TCF12: variants seen among roughly 807,000 people sequenced by gnomAD.
TCF12 encodes DNA-binding protein HTF4.
Under a neutral mutation model 86.0 loss-of-function variants are expected in TCF12, and 45 were observed. The observed-to-expected ratio is 0.52, with a 90% confidence interval of 0.41 to 0.67. TCF12 has a LOEUF of 0.67. Ranked by LOEUF, TCF12 falls within the 30% of genes least tolerant of loss-of-function variation. The probability of loss-of-function intolerance (pLI) is 0.00; values close to 1 mark genes in which losing one functional copy is unlikely to be tolerated. For synonymous variants in TCF12, 330 were observed against 299.6 expected (o/e 1.10, Z -1.05); for missense variants, 881 against 859.9 (o/e 1.02, Z -0.31).
At chr15:57,263,062 C>T in intron 17 of TCF12, 50 bp from the exon 18 acceptor site, 1 of 1,555,576 alleles carries the variant, frequency 6.4e-7, no homozygotes, top group Non-Finnish European at 8.6e-7. Flanking sequence ...AGCTGTAATT[C>T]ATATATGAGT....
chr15:57,052,416 T>A (rs2067695710), intron 3 of TCF12, among the ~76,000 whole-genome samples: 2 of 152,054 alleles, frequency 1.3e-5, no homozygotes, highest in African/African-American at 2.4e-5. Flanking sequence ...GGCAGGTGGA[T>A]AACCTGAGGT....
At position 57,282,632 on chromosome 15, in the gene TCF12, A is replaced by G. The variant is rs767566828; in HGVS notation, c.*11+34A>G. 3.1e-6 allele frequency: 5 copies of G among 1,594,730 alleles called. No individual in the cohort carries two copies. In the East Asian group the frequency reaches 1.1e-4, roughly 36 times the overall value. On this transcript the variant is annotated intron_variant, in intron 20 of 20. Coordinates refer to ENST00000333725, the MANE Select transcript of TCF12 (RefSeq NM_207037.2). ...GGGTTTGAAAAGAAACAGCAAGGAA[A>G]TAACCTTAAGATTCATCTTAAACTG...
At chr15:57,202,793 C>G (rs1419435425) in intron 8 of TCF12, among the ~76,000 whole-genome samples, 2 of 151,934 alleles carry the variant, frequency 1.3e-5, no homozygotes, top group Non-Finnish European at 2.9e-5. Context: ...CTCGGAACCT[C>G]CAGTTTCTAT....
At chr15:57,075,770 CTT>C (rs1223529309) in intron 4 of TCF12, among the ~76,000 whole-genome samples, 15 of 52,270 alleles carry the variant, frequency 2.9e-4, no homozygotes, top group African/African-American at 9.9e-4. Context: ...TTCTTTCTTT[CTT>C]TCTTTCTTTC....
chr15:57,015,140 T>G lies in TCF12; in HGVS notation c.149-48610T>G, dbSNP rs150651938. 5.4e-3 allele frequency among the ~76,000 whole-genome samples: 820 copies of G among 152,016 alleles called. 12 individuals are homozygous for G. Among genetic ancestry groups the G allele is most frequent in the African/African-American group, 0.019 (786 of 41,446 alleles). On this transcript the variant is annotated intron_variant, in intron 3 of 20. Transcript: ENST00000333725. Reference sequence around the variant, plus strand: ...CCTGTCTCTACAAAAAATAAAAAATTAGCCGGGTATGGTGGTACATACTTG... The same window carrying G: ...CCTGTCTCTACAAAAAATAAAAAATGAGCCGGGTATGGTGGTACATACTTG...
rs998329788 is a variant in TCF12, at chr15:57,002,715, G to A, written c.149-61035G>A. 4.6e-5 allele frequency among the ~76,000 whole-genome samples: 7 copies of A among 152,326 alleles called. 1 individual carries two copies. The South Asian group carries it at 1.4e-3, about 32-fold the overall frequency. On this transcript the variant is annotated intron_variant, in intron 3 of 20. Transcript: ENST00000333725. Reference sequence around the variant, plus strand: ...GACTGACGAACTGTCAATCGAAACGGAGACTTAGTTTTCATTCTCTGTCTC... The same window carrying A: ...GACTGACGAACTGTCAATCGAAACGAAGACTTAGTTTTCATTCTCTGTCTC...
intron 3 of TCF12, among the ~76,000 whole-genome samples, chr15:56,940,006 C>T (rs914019029): frequency 3.3e-4 from 41 of 125,624 alleles, no homozygotes; most frequent in African/African-American, 1.2e-3. Flanking sequence ...GGGTATATAG[C>T]ACTTTTGGTC....
intron 18 of TCF12, among the ~76,000 whole-genome samples, chr15:57,266,198 C>G (rs2060862137): frequency 2.6e-5 from 4 of 152,086 alleles, no homozygotes; most frequent in Admixed American, 2.6e-4. Flanking sequence ...CAGCCTCAGC[C>G]TCCCAAGTAG....
At chr15:57,042,762 T>G (rs1346143111) in intron 3 of TCF12, among the ~76,000 whole-genome samples, 1 of 152,182 alleles carries the variant, frequency 6.6e-6, no homozygotes, top group African/African-American at 2.4e-5. Flanking sequence ...ACTTTTTTGT[T>G]TTTTATTGTG....
chr15:57,088,985 G>C (rs1408516282), intron 4 of TCF12, among the ~76,000 whole-genome samples: 2 of 152,038 alleles, frequency 1.3e-5, no homozygotes, highest in African/African-American at 4.8e-5. Context: ...ACTATGGGTG[G>C]GTATTACTAC....
rs148249168 is a variant in TCF12 at position 56,949,569 on chromosome 15, G to T, written c.148+28471G>T. On this transcript the variant is annotated intron_variant, in intron 3 of 20. Transcript: ENST00000333725. ...TGGTGTTTCTTGGAAGAGAAAAACA[G>T]TGTAAGAAGACCGGCTTTTGAAAAA... Among the ~76,000 whole-genome samples the T allele has an allele frequency of 1.7e-3, 252 of 152,332 alleles. 4 individuals are homozygous for T. The highest frequency in any genetic ancestry group is 2.6e-3 in the Non-Finnish European group (177 of 68,032).
At chr15:57,177,682 A>T (rs1184586761) in intron 6 of TCF12, among the ~76,000 whole-genome samples, 8 of 148,118 alleles carry the variant, frequency 5.4e-5, no homozygotes, top group Non-Finnish European at 1.0e-4. Flanking sequence ...AACTTCATTC[A>T]TTCTTTCTTT....
chr15:57,007,758 CTT>C (rs1567241134), intron 3 of TCF12, among the ~76,000 whole-genome samples: 3 of 17,702 alleles, frequency 1.7e-4, no homozygotes, highest in Non-Finnish European at 4.7e-4. Flanking sequence ...ATTTTTCCTT[CTT>C]TCTTTCTTTC....
intron 1 of TCF12, chr15:56,919,532 G>C (rs1489878927): frequency 5.8e-6 from 1 of 172,892 alleles, no homozygotes. Flanking sequence ...CCCTCACCCC[G>C]CTCCTCGAGA....
At chr15:57,260,768 T>G (rs1454424450) in intron 16 of TCF12, among the ~76,000 whole-genome samples, 2 of 152,212 alleles carry the variant, frequency 1.3e-5, no homozygotes, top group Non-Finnish European at 2.9e-5. Flanking sequence ...TCCTTTCCTC[T>G]TAGATCACTG....
chr15:57,217,407 T>C (rs1383361743), intron 8 of TCF12, among the ~76,000 whole-genome samples: 4 of 152,206 alleles, frequency 2.6e-5, no homozygotes, highest in African/African-American at 9.6e-5. Flanking sequence ...TGTTAAAATA[T>C]TAAAATTTTC....
chr15:57,248,363 A>G (rs1195656242), intron 13 of TCF12, among the ~76,000 whole-genome samples: 4 of 152,198 alleles, frequency 2.6e-5, no homozygotes, highest in Non-Finnish European at 5.9e-5. Flanking sequence ...CACAAGATAG[A>G]AGAGAGGAAT....
intron 4 of TCF12, among the ~76,000 whole-genome samples, chr15:57,072,991 T>A (rs554442769): frequency 6.6e-6 from 1 of 152,324 alleles, no homozygotes; most frequent in South Asian, 2.1e-4. Flanking sequence ...CTAGCAGATA[T>A]TTAAAGTGAA....
intron 3 of TCF12, among the ~76,000 whole-genome samples, chr15:56,968,231 A>G (rs2062101792): frequency 6.6e-6 from 1 of 152,230 alleles, no homozygotes; most frequent in Non-Finnish European, 1.5e-5. Flanking sequence ...TGCTGGGATT[A>G]TAAGCGTGAG....
Sources: allele counts gnomAD v4.1 joint callset (sites outside exome capture counted in the v4.1 genomes callset), GRCh38; gene constraint gnomAD v4.1.1; transcripts MANE v1.5; gene names NCBI Gene and HGNC (gene_info 2026-07-23, HGNC 2026-07-21).